The following ANK3 variants were observed in gnomAD, a reference collection of about 807,000 sequenced individuals.
ANK3 encodes ankyrin 3.
ANK3 carries 57 observed loss-of-function variants against 370.9 expected under a neutral mutation model. That is an observed-to-expected ratio of 0.15 (90% CI 0.12 to 0.19). The LOEUF is 0.19. Among genes scored for constraint, ANK3 ranks in the 10% least tolerant of loss-of-function variants. The pLI, the probability that ANK3 is intolerant of heterozygous loss-of-function variation, is 1.00. For missense variants in ANK3, 4,439 were observed against 5,302.1 expected, an observed-to-expected ratio of 0.84 and a Z score of 5.06; for synonymous variants, 1,929 against 1,946.3, an observed-to-expected ratio of 0.99 and a Z score of 0.23.
chr10:60,223,014 T>C (rs1328137263), intron 8 of ANK3, among the ~76,000 whole-genome samples: 1 of 152,200 alleles, frequency 6.6e-6, no homozygotes, highest in Non-Finnish European at 1.5e-5. Context: ...ACAAAGATGC[T>C]CTTCCTTGAC....
At chr10:60,729,156 TCTTAA>T (rs1043565008) in intron 1 of ANK3, among the ~76,000 whole-genome samples, 3 of 152,192 alleles carry the variant, frequency 2.0e-5, no homozygotes, top group African/African-American at 7.2e-5. Context: ...ATTTTTAGAT[TCTTAA>T]CTTAACAAAC....
chr10:60,188,471 G>C (rs1182254458), intron 16 of ANK3, among the ~76,000 whole-genome samples: 2 of 152,252 alleles, frequency 1.3e-5, no homozygotes, highest in East Asian at 3.9e-4. Flanking sequence ...TAGAATCTAA[G>C]AATTTATATT....
At chr10:60,684,730 G>A (rs530540769) in intron 1 of ANK3, 4 of 1,585,166 alleles carry the variant, frequency 2.5e-6, no homozygotes, top group South Asian at 2.2e-5. Flanking sequence ...CTTCGGGGAT[G>A]TAGGTGGTCA....
intron 36 of ANK3, among the ~76,000 whole-genome samples, chr10:60,078,054 T>C (rs1413973186): frequency 6.6e-6 from 1 of 152,230 alleles, no homozygotes. Flanking sequence ...CAACGGCTAA[T>C]GTTCTACATC....
intron 5 of ANK3, among the ~76,000 whole-genome samples, chr10:60,265,362 T>A (rs2132654510): frequency 6.6e-6 from 1 of 152,282 alleles, no homozygotes; most frequent in South Asian, 2.1e-4. Flanking sequence ...AGTGCACACA[T>A]ACATACTCTA....
chr10:60,133,518 C>T (rs922772244), intron 25 of ANK3, among the ~76,000 whole-genome samples: 1 of 152,154 alleles, frequency 6.6e-6, no homozygotes, highest in African/African-American at 2.4e-5. Context: ...CTTCAGACAC[C>T]CATCAAAGGC....
chr10:60,303,870 G>T (rs1226780656), intron 1 of ANK3, among the ~76,000 whole-genome samples: 1 of 137,534 alleles, frequency 7.3e-6, no homozygotes, highest in Non-Finnish European at 1.6e-5. Context: ...AAAATGTGGT[G>T]TATATATGTG....
At chr10:60,507,249 CT>C (rs748968498) in intron 2 of ANK3, among the ~76,000 whole-genome samples, 2 of 151,968 alleles carry the variant, frequency 1.3e-5, no homozygotes, top group African/African-American at 4.8e-5. Flanking sequence ...TATTTGTTTA[CT>C]TTAACAATAA....
At chr10:60,656,595 A>C (rs2078867230) in intron 1 of ANK3, among the ~76,000 whole-genome samples, 2 of 152,144 alleles carry the variant, frequency 1.3e-5, no homozygotes, top group Non-Finnish European at 2.9e-5. Flanking sequence ...AGTGTGAATG[A>C]ATGAGCCTAG....
chr10:60,394,971 G>A (rs2063186250), intron 2 of ANK3, among the ~76,000 whole-genome samples: 1 of 152,196 alleles, frequency 6.6e-6, no homozygotes, highest in African/African-American at 2.4e-5. Context: ...GGCCAATACA[G>A]TAGCCACTAG....
At chr10:60,577,435 G>T (rs1033565589) in intron 2 of ANK3, among the ~76,000 whole-genome samples, 2 of 152,050 alleles carry the variant, frequency 1.3e-5, no homozygotes, top group Non-Finnish European at 2.9e-5. Context: ...GTTGTGGGAG[G>T]GATGGGTGGG....
intron 8 of ANK3, among the ~76,000 whole-genome samples, chr10:60,229,945 A>C (rs1174499341): frequency 6.6e-6 from 1 of 152,164 alleles, no homozygotes; most frequent in Non-Finnish European, 1.5e-5. Context: ...GGATGCAGGC[A>C]GTGGCAACTC....
chr10:60,517,080 G>T (rs931885392), intron 2 of ANK3, among the ~76,000 whole-genome samples: 1 of 151,884 alleles, frequency 6.6e-6, no homozygotes, highest in Non-Finnish European at 1.5e-5. Context: ...TTTCTGTTTG[G>T]TTTTTTGACA....
At chr10:60,225,282 C>T (rs759026137) in intron 8 of ANK3, among the ~76,000 whole-genome samples, 2 of 152,070 alleles carry the variant, frequency 1.3e-5, no homozygotes, top group South Asian at 2.1e-4. Context: ...TTGTGTTAGG[C>T]AGTTATCGAG....
In ANK3 at chr10:60,138,741, A is replaced by C. The variant is rs569336160; in HGVS notation, c.2738+223T>G. 1.8e-3 allele frequency: 1,092 copies of C among 598,404 alleles called. 10 individuals carry two copies. The African/African-American group carries it at 0.02, about 11-fold the overall frequency. The allele number at this position is 598,404 out of a possible 1,614,324, so 37.1% of individuals were successfully genotyped here. On this transcript the variant is annotated intron_variant, in intron 24 of 43. Transcript: ENST00000280772. ...GCATGACTGCAAAGTGGGAAAAAAA[A>C]AAAGAACACACAATTAACATGTTCA...
intron 22 of ANK3, 36 bp downstream of exon 22, chr10:60,166,788 T>G: frequency 6.2e-7 from 1 of 1,601,638 alleles, no homozygotes; most frequent in Non-Finnish European, 8.6e-7. Context: ...ACACAGTCAC[T>G]TATAATTATT....
At chr10:60,370,583 C>T (rs1316813903) in intron 1 of ANK3, among the ~76,000 whole-genome samples, 2 of 152,182 alleles carry the variant, frequency 1.3e-5, no homozygotes, top group Admixed American at 6.5e-5. Context: ...TGGGAGAACA[C>T]AATTATAACA....
intron 40 of ANK3, chr10:60,059,640 G>A (rs2079938433): frequency 6.5e-7 from 1 of 1,539,820 alleles, no homozygotes; most frequent in Non-Finnish European, 8.8e-7. Flanking sequence ...TCTAGGCTCT[G>A]CTGGTTTAAC....
At chr10:60,673,827 G>A (rs1220167801) in intron 1 of ANK3, among the ~76,000 whole-genome samples, 1 of 152,160 alleles carries the variant, frequency 6.6e-6, no homozygotes, top group Non-Finnish European at 1.5e-5. Context: ...ACTACAATGG[G>A]GGAAGGAAGA....
Sources: gnomAD v4.1 joint callset for allele counts (sites outside exome capture counted in the v4.1 genomes callset) on GRCh38, gnomAD v4.1.1 for gene constraint, MANE v1.5 for transcripts, NCBI Gene and HGNC (gene_info 2026-07-23, HGNC 2026-07-21) for gene names.